The following BICRAL variants were observed in gnomAD, a reference collection of about 807,000 sequenced individuals.
BICRAL encodes BRD4-interacting chromatin-remodeling complex-associated protein-like.
A neutral mutation model predicts 91.8 loss-of-function variants in BICRAL; 8 were observed. The ratio of observed to expected loss-of-function variants is 0.09; its 90% CI spans 0.05 to 0.16. The LOEUF (loss-of-function observed/expected upper bound fraction) is 0.16. Among genes scored for constraint, BICRAL ranks in the 10% least tolerant of loss-of-function variants. BICRAL has a pLI of 1.00. For synonymous variants in BICRAL, 445 were observed against 491.1 expected, an observed-to-expected ratio of 0.91 and a Z score of 1.24; for missense variants, 1,038 against 1,310.9, an observed-to-expected ratio of 0.79 and a Z score of 3.21.
In BICRAL at chr6:42,829,388, G is replaced by T; in HGVS notation, c.1055G>T (p.Gly352Val). Reference sequence around the variant, plus strand: ...TTTGCTTCTGCAAGCTCACCCCAGGGCTCAGTAGTTGGTCCACACATGTCT... The same window carrying T: ...TTTGCTTCTGCAAGCTCACCCCAGGTCTCAGTAGTTGGTCCACACATGTCT... ...ISFASASSPQ[G>V]SVVGPHMSVN... Residue 352 changes from glycine to valine, a missense_variant, in exon 6 of 13, where the codon GGC (glycine) becomes GTC (valine). This residue lies in a region of BICRAL where 532 missense variants were observed against 724.9 expected (regional missense o/e 0.73). Transcript: ENST00000314073. The T allele has an allele frequency of 6.2e-7, 1 of 1,614,158 alleles. No homozygotes were observed. Among genetic ancestry groups the T allele is most frequent in the Non-Finnish European group, 8.5e-7 (1 of 1,180,034 alleles).
At chr6:42,779,267 CACACACAT>C (rs1179068286), upstream of BICRAL, among the ~76,000 whole-genome samples, 49 of 138,382 alleles carry the variant, frequency 3.5e-4, no homozygotes, top group East Asian at 6.4e-3. Flanking sequence ...CACACACACA[CACACACAT>C]ATCATTGGAG....
chr6:42,828,964 G>T lies in BICRAL; in HGVS notation c.631G>T (p.Gly211Cys). The T allele has an allele frequency of 6.2e-7, 1 of 1,614,072 alleles. No homozygotes were observed. The highest frequency in any genetic ancestry group is 2.2e-5 in the East Asian group (1 of 44,880). The change falls in exon 6 of 13, where the codon GGT becomes TGT. Residue 211 changes from glycine to cysteine, a missense_variant. Gly to Cys is a radical substitution (Grantham distance 159). Coordinates refer to ENST00000314073, the MANE Select transcript of BICRAL (RefSeq NM_001393499.1). The stretch of plus-strand genomic sequence containing the variant: ...TAATAGCAGTCAGATTAGTGGTTCT[G>T]GTCAAATACAGTTAATTGGGTCATT... Reference protein sequence around the residue: ...LSNSSQISGSGQIQLIGSFGN... With the variant: ...LSNSSQISGSCQIQLIGSFGN...
chr6:42,777,238 C>G (rs140242243), upstream of BICRAL, among the ~76,000 whole-genome samples: 9 of 152,278 alleles, frequency 5.9e-5, no homozygotes, highest in Non-Finnish European at 1.0e-4. Context: ...GTTTCAGACA[C>G]CATGCTAAAC....
intron 2 of BICRAL, among the ~76,000 whole-genome samples, chr6:42,813,075 A>C (rs1031767449): frequency 6.6e-6 from 1 of 152,188 alleles, no homozygotes; most frequent in Admixed American, 6.5e-5. Context: ...AAAAGACTGA[A>C]AGAAAATACA....
intron 1 of BICRAL, among the ~76,000 whole-genome samples, chr6:42,749,552 C>CAA (rs950276579): frequency 9.9e-5 from 15 of 152,202 alleles, no homozygotes; most frequent in Admixed American, 7.8e-4. Context: ...GTTCCCAACA[C>CAA]AAAGAAGTGA....
chr6:42,788,040 G>A (rs984494362), intron 1 of BICRAL, among the ~76,000 whole-genome samples: 2 of 151,858 alleles, frequency 1.3e-5, no homozygotes, highest in African/African-American at 4.8e-5. Flanking sequence ...GGGACCACAG[G>A]TGTGCACCAC....
chr6:42,817,563 C>T lies in BICRAL; in HGVS notation c.-5-4455C>T, dbSNP rs921864192. On this transcript the variant is annotated intron_variant, in intron 2 of 12. Transcript: ENST00000314073. ...TAATCATAGCTCACTGCAGCCTTGACCTCCTACGCTCAAGCAAACAATCCT... is the reference window on the plus strand; with the variant it reads ...TAATCATAGCTCACTGCAGCCTTGATCTCCTACGCTCAAGCAAACAATCCT... 2.0e-5 allele frequency among the ~76,000 whole-genome samples: 3 copies of T among 151,548 alleles called. No individual in the cohort carries two copies. The South Asian group carries it at 6.3e-4, about 32-fold the overall frequency.
chr6:42,840,965 A>T (rs1051930173), intron 6 of BICRAL, among the ~76,000 whole-genome samples: 20 of 149,546 alleles, frequency 1.3e-4, no homozygotes, highest in African/African-American at 4.9e-4. Context: ...AATACCACCT[A>T]CTCAGGAGGC....
chr6:42,797,819 T>G (rs1763456164), intron 1 of BICRAL, among the ~76,000 whole-genome samples: 1 of 151,940 alleles, frequency 6.6e-6, no homozygotes, highest in Admixed American at 6.6e-5. Context: ...CTACAAAAAT[T>G]GCAAAAATTA....
rs189312960 is a variant in BICRAL, at chr6:42,866,785, G to C, written c.*1339G>C. ...TATTTCTTGTCAGGGAGTATTCTCCGTTTTCCTTTCTCGTATACCTGCCCC... is the reference window on the plus strand; with the variant it reads ...TATTTCTTGTCAGGGAGTATTCTCCCTTTTCCTTTCTCGTATACCTGCCCC... On this transcript the variant is annotated 3_prime_UTR_variant, in exon 13 of 13. Transcript: ENST00000314073. The C allele has an allele frequency of 1.1e-5, 5 of 456,324 alleles. No homozygotes were observed. Among genetic ancestry groups the C allele is most frequent in the Non-Finnish European group, 1.8e-5 (4 of 226,736 alleles). The allele number at this position is 456,324 out of a possible 1,614,324, so 28.3% of individuals were successfully genotyped here. A position where few individuals can be genotyped will look rare whatever the true frequency, so the allele number is the denominator to read the frequency against.
At chr6:42,769,674 A>G (rs938368126) in intron 1 of BICRAL, among the ~76,000 whole-genome samples, 1 of 151,938 alleles carries the variant, frequency 6.6e-6, no homozygotes, top group African/African-American at 2.4e-5. Flanking sequence ...CGGAGCCCTC[A>G]CCTCTGCCCA....
At chr6:42,810,729 A>G (rs9296399) in intron 2 of BICRAL, among the ~76,000 whole-genome samples, 12,658 of 152,232 alleles carry the variant, frequency 0.083, 897 homozygotes, top group African/African-American at 0.18. Context: ...CATTTATGTC[A>G]TACTATTTTA....
chr6:42,760,972 AGATCACGCCACTGCATTTCAGCCT>A (rs543844090), intron 1 of BICRAL, among the ~76,000 whole-genome samples: 2,233 of 151,690 alleles, frequency 0.015, 64 homozygotes, highest in African/African-American at 0.049. Context: ...CAGTCAGCCG[AGATCACGCCACTGCATTTCAGCCT>A]GATCACGCCA....
Position 42,754,462 on chromosome 6 carries a change from G to T in BICRAL, c.-261+7439G>T, listed in dbSNP as rs569251123. Among the ~76,000 whole-genome samples, 4 of 152,272 alleles carry T rather than the reference G, an allele frequency of 2.6e-5. No homozygotes were observed. In the South Asian group the frequency reaches 6.2e-4, roughly 24 times the overall value. On this transcript the variant is annotated intron_variant, in intron 1 of 14. Coordinates refer to the BICRAL transcript ENST00000614467. ...GCTGGGATTACAGGTGTGAGCCACC[G>T]TGCCATACATAGACTTTTTGACGTC...
At chr6:42,858,763 G>T (rs1765465341) in intron 10 of BICRAL, among the ~76,000 whole-genome samples, 1 of 152,068 alleles carries the variant, frequency 6.6e-6, no homozygotes, top group South Asian at 2.1e-4. Flanking sequence ...GTTCCCATGA[G>T]CCGAGATCGT....
At chr6:42,840,265 CAG>C (rs1428221240) in intron 6 of BICRAL, among the ~76,000 whole-genome samples, 1 of 151,814 alleles carries the variant, frequency 6.6e-6, no homozygotes, top group Non-Finnish European at 1.5e-5. Context: ...GTTTTTGAGA[CAG>C]AGTCTCGCTC....
chr6:42,802,084 G>A (rs552031897), intron 1 of BICRAL, among the ~76,000 whole-genome samples: 115 of 152,146 alleles, frequency 7.6e-4, no homozygotes, highest in African/African-American at 2.7e-3. Context: ...AGACCAGCCT[G>A]GGCAACATGG....
At position 42,831,745 on chromosome 6, in the gene BICRAL, C is replaced by CTT. The variant is rs34966748; in HGVS notation, c.1839+1585_1839+1586dup. The stretch of plus-strand genomic sequence containing the variant: ...TATATACGTCAACATATTTCAAAAT[C>CTT]TTTTTTTTTTTTTGAGACAGTCTCA... On this transcript the variant is annotated intron_variant, in intron 6 of 12. Transcript: ENST00000314073. Among the ~76,000 whole-genome samples, 838 of 144,784 alleles carry CTT rather than the reference C, an allele frequency of 5.8e-3. 37 individuals carry two copies. In the East Asian group the frequency reaches 0.1, roughly 18 times the overall value. The allele number at this position is 144,784 out of a possible 152,430, so 95.0% of individuals were successfully genotyped here. A position where few individuals can be genotyped will look rare whatever the true frequency, so the allele number is the denominator to read the frequency against.
At position 42,868,491 on chromosome 6, in the gene BICRAL, G is replaced by A. The variant is rs878864427; in HGVS notation, c.*3045G>A. 8 of 152,514 alleles carry A rather than the reference G, an allele frequency of 5.2e-5. No homozygotes were observed. The highest frequency in any genetic ancestry group is 4.1e-4 in the South Asian group (2 of 4,836). The allele number at this position is 152,514 out of a possible 1,614,324, so 9.4% of individuals were successfully genotyped here. A position where few individuals can be genotyped will look rare whatever the true frequency, so the allele number is the denominator to read the frequency against. On this transcript the variant is annotated 3_prime_UTR_variant, in exon 13 of 13. Coordinates refer to ENST00000314073, the MANE Select transcript of BICRAL (RefSeq NM_001393499.1). Reference sequence around the variant, plus strand: ...TAACTATATTGTTAATCCATGGTTAGGAAATGTTTAGTTGGAGATTACAAA... The same window carrying A: ...TAACTATATTGTTAATCCATGGTTAAGAAATGTTTAGTTGGAGATTACAAA...
Sources: gnomAD v4.1 joint callset for allele counts (sites outside exome capture counted in the v4.1 genomes callset) on GRCh38, gnomAD v4.1.1 for gene constraint, gnomAD v4.1.1 regional missense constraint, MANE v1.5 for transcripts, NCBI Gene and HGNC (gene_info 2026-07-23, HGNC 2026-07-21) for gene names.